Variants in EIF4G3 observed in about 807,000 individuals in gnomAD.
EIF4G3 encodes the protein eukaryotic translation initiation factor 4 gamma 3.
EIF4G3 carries 34 observed loss-of-function variants against 186.4 expected under a neutral mutation model. That is an observed-to-expected ratio of 0.18 (90% CI 0.14 to 0.24). The LOEUF is 0.24. Ranked by LOEUF, EIF4G3 falls within the 10% of genes least tolerant of loss-of-function variation. EIF4G3 has a pLI of 1.00. For missense variants in EIF4G3, 1,536 were observed against 1,948.5 expected (o/e 0.79, Z 3.99); for synonymous variants, 673 against 679.5 (o/e 0.99, Z 0.15).
At chr1:21,087,685 G>A (rs2096036198) in intron 3 of EIF4G3, among the ~76,000 whole-genome samples, 1 of 151,982 alleles carries the variant, frequency 6.6e-6, no homozygotes, top group Admixed American at 6.6e-5. Flanking sequence ...CCAGGCTGGA[G>A]TGCAGTGGCA....
chr1:21,077,916 G>C (rs565165139), intron 3 of EIF4G3, among the ~76,000 whole-genome samples: 1 of 150,626 alleles, frequency 6.6e-6, no homozygotes, highest in South Asian at 2.1e-4. Context: ...AGACACTGCC[G>C]AGAAAGCAGA....
intron 14 of EIF4G3, among the ~76,000 whole-genome samples, chr1:20,913,150 A>G (rs1191530745): frequency 1.3e-5 from 2 of 152,222 alleles, no homozygotes; most frequent in Admixed American, 1.3e-4. Flanking sequence ...TGGTATGACA[A>G]AATCTTTCTG....
chr1:20,978,287 T>C (rs990897135), intron 10 of EIF4G3, among the ~76,000 whole-genome samples: 1 of 151,388 alleles, frequency 6.6e-6, no homozygotes, highest in Non-Finnish European at 1.5e-5. Flanking sequence ...AATTGGGTGA[T>C]ATATATATAT....
At chr1:20,894,215 T>G (rs1308558641) in intron 17 of EIF4G3, among the ~76,000 whole-genome samples, 2 of 152,150 alleles carry the variant, frequency 1.3e-5, no homozygotes, top group African/African-American at 4.8e-5. Context: ...ATGGACAACA[T>G]AAAGTTAAGC....
intron 14 of EIF4G3, among the ~76,000 whole-genome samples, chr1:20,929,931 T>C (rs964513340): frequency 1.3e-5 from 2 of 152,148 alleles, no homozygotes; most frequent in Non-Finnish European, 2.9e-5. Flanking sequence ...TTTGAAGATA[T>C]TGTGGGTTTG....
intron 20 of EIF4G3, among the ~76,000 whole-genome samples, chr1:20,871,906 C>G (rs1238675055): frequency 6.6e-6 from 1 of 152,012 alleles, no homozygotes. Flanking sequence ...TTACTGCAAC[C>G]TCCACCTCCT....
At position 21,137,963 on chromosome 1, in the gene EIF4G3, C is replaced by T. The variant is rs77864410; in HGVS notation, c.-272+38212G>A. Among the ~76,000 whole-genome samples the T allele has an allele frequency of 5.5e-3, 843 of 152,142 alleles. 12 individuals carry two copies. The highest frequency in any genetic ancestry group is 0.024 in the East Asian group (124 of 5,180). ...CCTACGCTCTCAGAATCCTAACTAC[C>T]TTGGGCACATTCATGGTGTGACAAT... On this transcript the variant is annotated intron_variant, in intron 2 of 36. Coordinates refer to ENST00000602326, the MANE Select transcript of EIF4G3 (RefSeq NM_001391906.1).
At position 21,068,389 on chromosome 1, in the gene EIF4G3, A is replaced by AAAAAAAAAAAAC. The variant is rs1557804559; in HGVS notation, c.-195-17407_-195-17396dup. Among the ~76,000 whole-genome samples, 22 of 150,074 alleles carry AAAAAAAAAAAAC rather than the reference A, an allele frequency of 1.5e-4. 1 individual carries two copies. The highest frequency in any genetic ancestry group is 4.1e-4 in the African/African-American group (17 of 41,240). On this transcript the variant is annotated intron_variant, in intron 3 of 36. Transcript: ENST00000602326. ...AACTCTGTCTTTAAAAAAAAAAAAA[A>AAAAAAAAAAAAC]AAAAAAAAAAACAGAATACTTCACA...
At chr1:20,932,789 C>G (rs958774943) in intron 14 of EIF4G3, among the ~76,000 whole-genome samples, 1 of 152,066 alleles carries the variant, frequency 6.6e-6, no homozygotes, top group Non-Finnish European at 1.5e-5. Context: ...AATGAAAGGT[C>G]TGAAATACTG....
At chr1:20,845,530 C>T (rs932718608) in intron 29 of EIF4G3, among the ~76,000 whole-genome samples, 7 of 151,970 alleles carry the variant, frequency 4.6e-5, no homozygotes, top group African/African-American at 7.2e-5. Context: ...GGCATGGTGG[C>T]GGGCGCCTGT....
chr1:21,084,073 AG>A (rs2095878063), intron 3 of EIF4G3, among the ~76,000 whole-genome samples: 1 of 152,104 alleles, frequency 6.6e-6, no homozygotes, highest in Admixed American at 6.6e-5. Context: ...CAGCAGCCAC[AG>A]TGACCTTTTA....
Position 20,864,626 on chromosome 1 carries a change from A to G in EIF4G3, c.2856T>C (p.Ile952=), listed in dbSNP as rs762407151. Residue 952 remains isoleucine (I), a synonymous_variant, in exon 22 of 37, where the codon ATT becomes ATC. Transcript: ENST00000602326. The part of the protein sequence containing the change: ...RRRSIGNIKF[I]GELFKLKMLT... ...GCATTTTGAGTTTAAAGAGTTCTCCAATAAACTTGATGTTGCCAATGGATC... is the reference window on the plus strand; with the variant it reads ...GCATTTTGAGTTTAAAGAGTTCTCCGATAAACTTGATGTTGCCAATGGATC... The G allele has an allele frequency of 3.7e-6, 6 of 1,614,182 alleles. No homozygotes were observed. In the South Asian group the frequency reaches 6.6e-5, roughly 18 times the overall value.
At chr1:21,002,679 G>A in intron 5 of EIF4G3, 34 bp downstream of exon 5, 1 of 1,608,770 alleles carries the variant, frequency 6.2e-7, no homozygotes, top group Non-Finnish European at 8.5e-7. Flanking sequence ...CACAGGTAGA[G>A]AATGTAATTT....
chr1:21,168,167 G>A (rs547271231), intron 2 of EIF4G3: 1 of 387,312 alleles, frequency 2.6e-6, no homozygotes, highest in African/African-American at 2.1e-5. Context: ...ACTTTGGGAG[G>A]CTGAGGTGGG....
At chr1:20,952,005 A>G (rs2096243308) in intron 12 of EIF4G3, among the ~76,000 whole-genome samples, 1 of 152,238 alleles carries the variant, frequency 6.6e-6, no homozygotes, top group South Asian at 2.1e-4. Flanking sequence ...GTACATAGGT[A>G]TATAGCCACA....
chr1:20,843,345 C>T (rs1041273588), intron 29 of EIF4G3, among the ~76,000 whole-genome samples: 17 of 151,878 alleles, frequency 1.1e-4, no homozygotes, highest in African/African-American at 3.4e-4. Flanking sequence ...GGTAAAACCC[C>T]GTGTCTACCA....
chr1:21,144,767 G>A (rs1301534305), intron 2 of EIF4G3, among the ~76,000 whole-genome samples: 2 of 151,982 alleles, frequency 1.3e-5, no homozygotes, highest in African/African-American at 4.8e-5. Context: ...AAAAGCCCAC[G>A]AAGGTGCATT....
intron 2 of EIF4G3, among the ~76,000 whole-genome samples, chr1:21,166,583 C>T (rs1341479685): frequency 6.6e-6 from 1 of 151,922 alleles, no homozygotes; most frequent in African/African-American, 2.4e-5. Flanking sequence ...AAAATTGCCC[C>T]AATGTGGTGG....
chr1:20,811,072 C>T (rs1557719443), intron 35 of EIF4G3, among the ~76,000 whole-genome samples, 188 bp from the exon 36 acceptor site: 1 of 152,186 alleles, frequency 6.6e-6, no homozygotes, highest in Admixed American at 6.5e-5. Flanking sequence ...GTCTCAGCCT[C>T]CCAAGTTGTT....
Sources: gnomAD v4.1 joint callset for allele counts (sites outside exome capture counted in the v4.1 genomes callset) on GRCh38, gnomAD v4.1.1 for gene constraint, MANE v1.5 for transcripts, NCBI Gene and HGNC (gene_info 2026-07-23, HGNC 2026-07-21) for gene names.